Variants in FMN1 observed in about 807,000 individuals in gnomAD.
FMN1 encodes formin 1.
In FMN1, 110 loss-of-function variants were observed where a neutral mutation model predicts 132.4. That is an observed-to-expected ratio of 0.83 (90% CI 0.71 to 0.97). FMN1 has a LOEUF of 0.97. Among genes scored for constraint, FMN1 ranks in the 50% least tolerant of loss-of-function variants. FMN1 has a pLI of 0.00. For synonymous variants in FMN1, 722 were observed against 651.7 expected, an observed-to-expected ratio of 1.11 and a Z score of -1.64; for missense variants, 1,792 against 1,705.3, an observed-to-expected ratio of 1.05 and a Z score of -0.90.
chr15:33,098,856 C>T lies in FMN1; in HGVS notation c.1868-9882G>A, dbSNP rs2039183928. The stretch of plus-strand genomic sequence containing the variant: ...CTCTCTCCTCCCTTTCCCCTTCAGG[C>T]CTAAGGTTGGTAAGGGCTTTCTACT... On this transcript the variant is annotated intron_variant, in intron 4 of 20. Coordinates refer to ENST00000616417, the MANE Select transcript of FMN1 (RefSeq NM_001277313.2). Among the ~76,000 whole-genome samples, 3 of 152,274 alleles carry T rather than the reference C, an allele frequency of 2.0e-5. No individual in the cohort carries two copies. In the South Asian group the frequency reaches 6.2e-4, roughly 32 times the overall value.
At chr15:32,886,740 G>A (rs2141477113) in intron 16 of FMN1, among the ~76,000 whole-genome samples, 1 of 152,262 alleles carries the variant, frequency 6.6e-6, no homozygotes, top group East Asian at 1.9e-4. Context: ...GAGCAAACAA[G>A]CTCCCCTGCC....
chr15:32,976,365 A>C (rs1267021079), intron 7 of FMN1, among the ~76,000 whole-genome samples: 1 of 152,188 alleles, frequency 6.6e-6, no homozygotes, highest in African/African-American at 2.4e-5. Flanking sequence ...ATGCTTAGGT[A>C]AGGCAAGGAG....
chr15:33,124,159 A>C (rs1204189591), intron 4 of FMN1, among the ~76,000 whole-genome samples: 1 of 152,186 alleles, frequency 6.6e-6, no homozygotes, highest in Non-Finnish European at 1.5e-5. Context: ...GATCAGCTTC[A>C]TCCTAACCAT....
chr15:33,034,554 G>A (rs1276843027), intron 6 of FMN1, among the ~76,000 whole-genome samples: 1 of 152,136 alleles, frequency 6.6e-6, no homozygotes, highest in Non-Finnish European at 1.5e-5. Context: ...TCTAGCCTGG[G>A]CAACAGAGAG....
chr15:32,877,236 G>A (rs1236659374), intron 16 of FMN1, among the ~76,000 whole-genome samples: 11 of 151,484 alleles, frequency 7.3e-5, no homozygotes, highest in Admixed American at 7.2e-4. Flanking sequence ...GCAGTGAGCC[G>A]AGATTGTGCC....
chr15:32,998,844 A>G (rs527563050), intron 7 of FMN1, among the ~76,000 whole-genome samples: 13 of 152,346 alleles, frequency 8.5e-5, no homozygotes, highest in Admixed American at 7.8e-4. Context: ...CAAATGAGCA[A>G]TCAACATTCT....
chr15:32,951,632 T>C (rs1486695908), intron 9 of FMN1, among the ~76,000 whole-genome samples: 1 of 152,224 alleles, frequency 6.6e-6, no homozygotes, highest in Non-Finnish European at 1.5e-5. Flanking sequence ...GTGGCAATGA[T>C]GGTGGTAATA....
chr15:32,849,668 AT>A (rs71776158), intron 17 of FMN1, among the ~76,000 whole-genome samples: 7 of 149,174 alleles, frequency 4.7e-5, no homozygotes, highest in African/African-American at 9.8e-5. Flanking sequence ...TCTTTTCTTT[AT>A]TTTTTTTTTG....
At chr15:32,900,225 G>A (rs769390457) in intron 13 of FMN1, 100 bp from the exon 14 acceptor site, 6 of 1,284,436 alleles carry the variant, frequency 4.7e-6, no homozygotes, top group Non-Finnish European at 6.7e-6. Context: ...GCTGTCGGGA[G>A]GCTTGGTACC....
At chr15:33,066,425 A>G (rs975575582) in intron 5 of FMN1, 1 of 1,107,260 alleles carries the variant, frequency 9.0e-7, no homozygotes, top group Non-Finnish European at 1.3e-6. Flanking sequence ...CTAACAGGCA[A>G]CTAGGATTCA....
intron 20 of FMN1, among the ~76,000 whole-genome samples, chr15:32,775,251 A>G (rs543021891): frequency 6.6e-6 from 1 of 152,264 alleles, no homozygotes; most frequent in South Asian, 2.1e-4. Context: ...TTTGGACCCC[A>G]TCCCTAACTT....
Position 32,809,881 on chromosome 15 carries a change from T to G in FMN1, c.3929-5549A>C, listed in dbSNP as rs370424647. Among the ~76,000 whole-genome samples, 15 of 152,022 alleles carry G rather than the reference T, an allele frequency of 9.9e-5. No homozygotes were observed. The South Asian group carries it at 2.9e-3, about 29-fold the overall frequency. On this transcript the variant is annotated intron_variant, in intron 17 of 20. Transcript: ENST00000616417. ...TTGCAACCAAAATCTGTTTTCAGAG[T>G]TTTTCTCTCAACTATTACCTAGCAG...
intron 17 of FMN1, among the ~76,000 whole-genome samples, chr15:32,814,850 TTTA>T (rs1378854270): frequency 6.6e-6 from 1 of 152,214 alleles, no homozygotes; most frequent in Non-Finnish European, 1.5e-5. Context: ...AACTTGTTGC[TTTA>T]TTAATTGGTG....
chr15:33,187,816 T>G (rs1170293049), intron 2 of FMN1, among the ~76,000 whole-genome samples: 1 of 152,176 alleles, frequency 6.6e-6, no homozygotes, highest in Non-Finnish European at 1.5e-5. Context: ...AGAAAAGGCT[T>G]GAAATAGAAA....
chr15:32,888,040 T>G, intron 16 of FMN1, 132 bp downstream of exon 16: 1 of 653,872 alleles, frequency 1.5e-6, no homozygotes, highest in Non-Finnish European at 2.4e-6. Flanking sequence ...GAAAGTTTCC[T>G]GAAAGCTGTA....
intron 16 of FMN1, among the ~76,000 whole-genome samples, chr15:32,865,898 T>G (rs8040135): frequency 0.84 from 126,865 of 150,604 alleles, 54,091 homozygotes; most frequent in African/African-American, 0.96. Flanking sequence ...AACTCAATAA[T>G]AGAAATACAA....
chr15:32,916,984 C>T (rs370362830), intron 10 of FMN1, among the ~76,000 whole-genome samples: 2 of 152,244 alleles, frequency 1.3e-5, no homozygotes, highest in East Asian at 3.9e-4. Flanking sequence ...GTGACCTCTA[C>T]AAAGGCAACG....
chr15:33,111,039 T>C (rs1010963018), intron 4 of FMN1, among the ~76,000 whole-genome samples: 5 of 152,164 alleles, frequency 3.3e-5, no homozygotes, highest in African/African-American at 1.2e-4. Context: ...ATGTTAGTTT[T>C]ACATTTTTAT....
intron 9 of FMN1, 43 bp downstream of exon 9, chr15:32,964,064 C>T: frequency 7.1e-7 from 1 of 1,401,048 alleles, no homozygotes; most frequent in South Asian, 1.2e-5. Flanking sequence ...TACCATTTCC[C>T]TGTATAATAT....
Sources: gnomAD v4.1 joint callset for allele counts (sites outside exome capture counted in the v4.1 genomes callset) on GRCh38, gnomAD v4.1.1 for gene constraint, MANE v1.5 for transcripts, NCBI Gene and HGNC (gene_info 2026-07-23, HGNC 2026-07-21) for gene names.